PNKD: variants seen among roughly 807,000 people sequenced by gnomAD.
PNKD encodes PNKD metallo-beta-lactamase domain containing.
PNKD carries 36 observed loss-of-function variants against 45.3 expected under a neutral mutation model. The ratio of observed to expected loss-of-function variants is 0.80; its 90% confidence interval spans 0.61 to 1.05. The LOEUF is 1.05. Among genes scored for constraint, PNKD ranks in the 50% least tolerant of loss-of-function variants. PNKD has a pLI of 0.00. For synonymous variants in PNKD, 197 were observed against 210.1 expected, an observed-to-expected ratio of 0.94 and a Z score of 0.54; for missense variants, 511 against 506.6, an observed-to-expected ratio of 1.01 and a Z score of -0.08.
At chr2:218,330,538 G>A (rs1694289236) in intron 2 of PNKD, among the ~76,000 whole-genome samples, 2 of 152,224 alleles carry the variant, frequency 1.3e-5, no homozygotes, top group South Asian at 4.1e-4. Context: ...GCTGTCTGCA[G>A]CTGTAACCCC....
rs1694505506 is a variant in PNKD at position 218,336,770 on chromosome 2, C to A, written c.237-3013C>A. Among the ~76,000 whole-genome samples, 8 of 151,026 alleles carry A rather than the reference C, an allele frequency of 5.3e-5. 1 individual carries two copies. The Admixed American group carries it at 5.3e-4, about 10-fold the overall frequency. ...TGCTGGGATTACAGGAGTGAGTCAC[C>A]ACACCTGGCCTTCAATTCTTTTTTT... On this transcript the variant is annotated intron_variant, in intron 2 of 9. Transcript: ENST00000273077.
chr2:218,276,167 G>T, intron 2 of PNKD: 3 of 1,437,782 alleles, frequency 2.1e-6, no homozygotes, highest in South Asian at 2.4e-5. Context: ...ATAGTGGCAT[G>T]AGAGTGGGTA....
At chr2:218,301,622 T>TAA (rs141502607) in intron 2 of PNKD, among the ~76,000 whole-genome samples, 3 of 152,052 alleles carry the variant, frequency 2.0e-5, no homozygotes, top group African/African-American at 7.2e-5. Context: ...CCCATCTCTT[T>TAA]AAAAAAATTA....
intron 2 of PNKD, among the ~76,000 whole-genome samples, chr2:218,287,021 G>A (rs1226455722): frequency 6.6e-6 from 1 of 152,102 alleles, no homozygotes; most frequent in Non-Finnish European, 1.5e-5. Flanking sequence ...TCATAGCCAC[G>A]AGAGCAAATG....
chr2:218,323,430 G>A (rs1187977069), intron 2 of PNKD: 9 of 1,561,180 alleles, frequency 5.8e-6, no homozygotes, highest in African/African-American at 1.4e-5. Context: ...CTTCCGAATC[G>A]GGTTAGTGCC....
chr2:218,334,835 G>A (rs1694442166), intron 2 of PNKD: 1 of 688,708 alleles, frequency 1.5e-6, no homozygotes, highest in South Asian at 1.5e-5. Context: ...TGGTTATTTT[G>A]TGAAGGAGAT....
At chr2:218,315,057 T>TCTTTCTTCCTTC (rs61429059) in intron 2 of PNKD, among the ~76,000 whole-genome samples, 585 of 55,604 alleles carry the variant, frequency 0.011, 40 homozygotes, top group African/African-American at 0.028. Flanking sequence ...TTTCTTTCTT[T>TCTTTCTTCCTTC]CTTCCTTCCT....
rs1693623180 is a variant in PNKD at position 218,311,809 on chromosome 2, T to C, written c.237-27974T>C. Among the ~76,000 whole-genome samples the C allele has an allele frequency of 2.6e-5, 4 of 152,178 alleles. No individual in the cohort carries two copies. The South Asian group carries it at 8.3e-4, about 32-fold the overall frequency. ...ACTACTCCTCAGCACAGACCCTTTA[T>C]GGGTGTCAGGCCTTATGGTAAGGTC... is the stretch of plus-strand genomic sequence containing the variant. On this transcript the variant is annotated intron_variant, in intron 2 of 9. Transcript: ENST00000273077.
intron 2 of PNKD, among the ~76,000 whole-genome samples, chr2:218,295,803 G>A (rs1693126400): frequency 6.6e-6 from 1 of 151,516 alleles, no homozygotes; most frequent in Admixed American, 6.6e-5. Context: ...AGCAAATAAA[G>A]ATGCAAGGCA....
intron 5 of PNKD, chr2:218,341,001 G>A (rs1351025174): frequency 3.3e-6 from 2 of 606,064 alleles, no homozygotes; most frequent in Non-Finnish European, 5.9e-6. Flanking sequence ...AGAGGGCAGG[G>A]CAGTCATTTC....
chr2:218,278,762 G>T (rs917856567), intron 2 of PNKD, among the ~76,000 whole-genome samples: 4 of 152,370 alleles, frequency 2.6e-5, no homozygotes, highest in Non-Finnish European at 5.9e-5. Context: ...CCAGGAAGGA[G>T]GTCTGGGGAG....
intron 2 of PNKD, among the ~76,000 whole-genome samples, chr2:218,338,410 G>A (rs767040414): frequency 1.3e-4 from 19 of 148,502 alleles, no homozygotes; most frequent in Middle Eastern, 3.5e-3. Flanking sequence ...GCAGTGAGCC[G>A]AGATTGCACC....
At position 218,315,453 on chromosome 2, in the gene PNKD, G is replaced by A. The variant is rs576519892; in HGVS notation, c.237-24330G>A. Among the ~76,000 whole-genome samples, 39 of 152,202 alleles carry A rather than the reference G, an allele frequency of 2.6e-4. No individual in the cohort carries two copies. The East Asian group carries it at 5.6e-3, about 22-fold the overall frequency. ...ATTCCAGGCATGAGCCATGGCGCCC[G>A]GCCAAGGATTTAAATTTTAAAGTAA... is the stretch of plus-strand genomic sequence containing the variant. On this transcript the variant is annotated intron_variant, in intron 2 of 9. Transcript: ENST00000273077.
At chr2:218,293,217 G>A (rs191390774) in intron 2 of PNKD, among the ~76,000 whole-genome samples, 64 of 152,280 alleles carry the variant, frequency 4.2e-4, no homozygotes, top group Admixed American at 1.6e-3. Flanking sequence ...CTACTGTTAG[G>A]TAGGTCTTAA....
At position 218,343,626 on chromosome 2, in the gene PNKD, C is replaced by T. The variant is rs374693670; in HGVS notation, c.868+40C>T. 6.8e-5 allele frequency: 101 copies of T among 1,476,100 alleles called. No individual in the cohort carries two copies. In the Middle Eastern group the frequency reaches 6.9e-4, roughly 10 times the overall value. The allele number at this position is 1,476,100 out of a possible 1,614,324, so 91.4% of individuals were successfully genotyped here. A position where few individuals can be genotyped will look rare whatever the true frequency, so the allele number is the denominator to read the frequency against. On this transcript the variant is annotated intron_variant, in intron 8 of 9. Transcript: ENST00000273077. ...TACTACTCCCCATCCTCCAGCCCCACGCTCAGCCTGGGACAAGGGCCTTCC... is the reference window on the plus strand; with the variant it reads ...TACTACTCCCCATCCTCCAGCCCCATGCTCAGCCTGGGACAAGGGCCTTCC...
At chr2:218,336,541 T>C (rs1409138397) in intron 2 of PNKD, among the ~76,000 whole-genome samples, 2 of 152,154 alleles carry the variant, frequency 1.3e-5, no homozygotes, top group Non-Finnish European at 2.9e-5. Flanking sequence ...AGTGCAGTGG[T>C]GCAAACATGG....
At chr2:218,333,943 T>C (rs113329624) in intron 2 of PNKD, among the ~76,000 whole-genome samples, 4 of 88,458 alleles carry the variant, frequency 4.5e-5, no homozygotes, top group Non-Finnish European at 5.5e-5. Context: ...GGTGAAACCC[T>C]GTCTCTACTA....
At chr2:218,321,246 T>G (rs1213875159) in intron 2 of PNKD, among the ~76,000 whole-genome samples, 2 of 152,196 alleles carry the variant, frequency 1.3e-5, no homozygotes, top group African/African-American at 2.4e-5. Context: ...ACAATGACTT[T>G]TGATGATGCC....
intron 2 of PNKD, among the ~76,000 whole-genome samples, chr2:218,314,481 C>T (rs1410978163): frequency 6.6e-6 from 1 of 151,924 alleles, no homozygotes; most frequent in Non-Finnish European, 1.5e-5. Flanking sequence ...CCTTGGCCTC[C>T]CAAAGTGCTG....
Sources: allele counts gnomAD v4.1 joint callset (sites outside exome capture counted in the v4.1 genomes callset), GRCh38; gene constraint gnomAD v4.1.1; transcripts MANE v1.5; gene names NCBI Gene and HGNC (gene_info 2026-07-23, HGNC 2026-07-21).